POLD3: variants seen among roughly 807,000 people sequenced by gnomAD.
POLD3 encodes the protein DNA polymerase delta subunit 3.
In POLD3, 19 loss-of-function variants were observed where a neutral mutation model predicts 58.2. The ratio of observed to expected loss-of-function variants is 0.33; its 90% confidence interval spans 0.23 to 0.48. POLD3 has a LOEUF of 0.48. POLD3 is among the 20% of genes least tolerant of loss of function. The pLI, the probability that POLD3 is intolerant of heterozygous loss-of-function variation, is 0.99. For synonymous variants in POLD3, 172 were observed against 193.5 expected, an observed-to-expected ratio of 0.89 and a Z score of 0.92; for missense variants, 504 against 545.5, an observed-to-expected ratio of 0.92 and a Z score of 0.76.
At chr11:74,594,878 G>A (rs1218390846) in intron 2 of POLD3, among the ~76,000 whole-genome samples, 1 of 152,180 alleles carries the variant, frequency 6.6e-6, no homozygotes, top group Non-Finnish European at 1.5e-5. Context: ...CATGAGAAGA[G>A]CATGGGGGAA....
chr11:74,616,174 G>T (rs2135144877), intron 5 of POLD3, among the ~76,000 whole-genome samples: 1 of 152,100 alleles, frequency 6.6e-6, no homozygotes, highest in East Asian at 1.9e-4. Flanking sequence ...AATCTGCCAG[G>T]GCCCACTAAA....
rs1451262227 is a variant in POLD3, at chr11:74,609,379, T to G, written c.220-2120T>G. ...ATATATATATATATATATATTTTTT[T>G]TTTTTTTTTTTTTTTTTTTGAGATG... On this transcript the variant is annotated intron_variant, in intron 3 of 11. Transcript: ENST00000263681. Among the ~76,000 whole-genome samples, 3 of 19,214 alleles carry G rather than the reference T, an allele frequency of 1.6e-4. No individual in the cohort carries two copies. In the South Asian group the frequency reaches 4.9e-3, roughly 31 times the overall value. The allele number at this position is 19,214 out of a possible 152,430, so 12.6% of individuals were successfully genotyped here. A position where few individuals can be genotyped will look rare whatever the true frequency, so the allele number is the denominator to read the frequency against.
rs140766411 is a variant in POLD3 at position 74,639,763 on chromosome 11, G to T, written c.1199-801G>T. ...CAGTTCTTTTCCAAGTTTCCCTTGG[G>T]AAGGGTTCAGTGAGTTTTAATAGCA... On this transcript the variant is annotated intron_variant, in intron 11 of 11. Transcript: ENST00000263681. Among the ~76,000 whole-genome samples, 513 of 152,320 alleles carry T rather than the reference G, an allele frequency of 3.4e-3. 3 individuals carry two copies. The highest frequency in any genetic ancestry group is 0.012 in the African/African-American group (482 of 41,568).
chr11:74,592,796 T>C (rs2298572), intron 1 of POLD3, 78 bp downstream of exon 1: 1,299,800 of 1,582,764 alleles, frequency 0.82, 535,464 homozygotes, highest in African/African-American at 0.97. Flanking sequence ...GCCTTGACCC[T>C]CTGTCTGCTT....
chr11:74,621,544 TA>T (rs1296429031), intron 7 of POLD3, among the ~76,000 whole-genome samples: 4 of 146,336 alleles, frequency 2.7e-5, no homozygotes, highest in East Asian at 4.1e-4. Context: ...TGGTTTTTTT[TA>T]AAAAAATCAA....
In POLD3 at chr11:74,642,541, G is replaced by A. The variant is rs1367621069; in HGVS notation, c.*1775G>A. The A allele has an allele frequency of 6.1e-6, 6 of 985,138 alleles. No individual in the cohort carries two copies. In the East Asian group the frequency reaches 5.7e-4, roughly 93 times the overall value. 61.0% of individuals were successfully genotyped at this position (985,138 alleles called of 1,614,324 possible). On this transcript the variant is annotated 3_prime_UTR_variant, in exon 12 of 12. Transcript: ENST00000263681. Reference sequence around the variant, plus strand: ...ACTGAATTTGAATTGGAAAATTCTGGTGTTGGTTGGAGTTCCATCTTGCAA... The same window carrying A: ...ACTGAATTTGAATTGGAAAATTCTGATGTTGGTTGGAGTTCCATCTTGCAA...
At chr11:74,632,282 A>C (rs904383897) in intron 9 of POLD3, among the ~76,000 whole-genome samples, 10 of 152,192 alleles carry the variant, frequency 6.6e-5, no homozygotes, top group African/African-American at 2.4e-4. Flanking sequence ...AATTAGTTTC[A>C]TTGCAGTTTT....
chr11:74,610,034 G>T (rs1159494888), intron 3 of POLD3, among the ~76,000 whole-genome samples: 1 of 152,138 alleles, frequency 6.6e-6, no homozygotes, highest in Non-Finnish European at 1.5e-5. Flanking sequence ...GGATTGCTCG[G>T]TCAAAGGGTG....
intron 3 of POLD3, among the ~76,000 whole-genome samples, chr11:74,607,588 T>A (rs1409263958): frequency 6.6e-6 from 1 of 151,862 alleles, no homozygotes; most frequent in African/African-American, 2.4e-5. Flanking sequence ...TTTATTTATT[T>A]ATTTATTTTT....
At chr11:74,629,961 G>C (rs1011746567) in intron 9 of POLD3, among the ~76,000 whole-genome samples, 9 of 152,146 alleles carry the variant, frequency 5.9e-5, no homozygotes, top group African/African-American at 2.2e-4. Flanking sequence ...CTGATATGCT[G>C]GACGACTCTA....
intron 2 of POLD3, among the ~76,000 whole-genome samples, chr11:74,600,195 C>T (rs997592379): frequency 1.3e-5 from 2 of 152,104 alleles, no homozygotes; most frequent in Admixed American, 1.3e-4. Flanking sequence ...CCGCCTGCCT[C>T]GGCCTCCTAA....
intron 10 of POLD3, among the ~76,000 whole-genome samples, chr11:74,635,911 C>A (rs1224772013): frequency 1.3e-5 from 2 of 152,200 alleles, no homozygotes; most frequent in Non-Finnish European, 2.9e-5. Context: ...ACCATGCTGC[C>A]TGCACTACCC....
chr11:74,600,837 C>T (rs540925907), intron 2 of POLD3, among the ~76,000 whole-genome samples: 2 of 150,476 alleles, frequency 1.3e-5, no homozygotes, highest in Admixed American at 1.3e-4. Context: ...CCTGCTTCAG[C>T]CTCCCGAGTA....
chr11:74,618,688 T>C lies in POLD3; in HGVS notation c.544T>C (p.Ser182Pro). The part of the protein sequence containing the change: ...LTTNGHGPPA[S>P]KQVSQQPKGI... ...CACCAATGGTCATGGCCCACCTGCA[T>C]CCAAGCAGGTTTCCCAGCAGCCCAA... Residue 182 changes from serine (S) to proline (P), a missense_variant, in exon 6 of 12, where the codon TCC becomes CCC. By Grantham distance (74) the Ser-to-Pro change is moderately conservative. Transcript: ENST00000263681. The C allele has an allele frequency of 6.2e-7, 1 of 1,614,168 alleles. No homozygotes were observed. Among genetic ancestry groups the C allele is most frequent in the Non-Finnish European group, 8.5e-7 (1 of 1,180,018 alleles).
intron 8 of POLD3, among the ~76,000 whole-genome samples, chr11:74,628,560 C>T (rs1301027268): frequency 6.6e-6 from 1 of 152,116 alleles, no homozygotes; most frequent in Non-Finnish European, 1.5e-5. Context: ...AGTATCCATT[C>T]ATCCAGAGGA....
chr11:74,632,372 G>A (rs2135171686), intron 9 of POLD3, among the ~76,000 whole-genome samples: 1 of 152,230 alleles, frequency 6.6e-6, no homozygotes, highest in East Asian at 1.9e-4. Context: ...GCTGCAGATT[G>A]GCTACAAATC....
chr11:74,631,181 A>G (rs2032578518), intron 9 of POLD3, among the ~76,000 whole-genome samples: 1 of 152,224 alleles, frequency 6.6e-6, no homozygotes, highest in Admixed American at 6.5e-5. Flanking sequence ...GTTACACTGA[A>G]TATGTCATAT....
At chr11:74,659,041 C>T (rs2033172235) in intron 4 of POLD3, among the ~76,000 whole-genome samples, 1 of 152,216 alleles carries the variant, frequency 6.6e-6, no homozygotes, top group South Asian at 2.1e-4. Context: ...CCATGAGGGC[C>T]CCACTCCTGC....
chr11:74,609,372 A>ATATATTTTTTTT (rs2031821525), intron 3 of POLD3, among the ~76,000 whole-genome samples: 1 of 27,210 alleles, frequency 3.7e-5, no homozygotes. Flanking sequence ...ATATATATAT[A>ATATATTTTTTTT]TTTTTTTTTT....
Sources: allele counts gnomAD v4.1 joint callset (sites outside exome capture counted in the v4.1 genomes callset), GRCh38; gene constraint gnomAD v4.1.1; transcripts MANE v1.5; gene names NCBI Gene and HGNC (gene_info 2026-07-23, HGNC 2026-07-21).